The following RIC8B variants were observed in gnomAD, a reference collection of about 807,000 sequenced individuals.
RIC8B encodes the protein RIC8 guanine nucleotide exchange factor B, also known as chaperone Ric-8B.
Under a neutral mutation model 57.5 loss-of-function variants are expected in RIC8B, and 16 were observed. That is an observed-to-expected ratio of 0.28 (90% confidence interval 0.19 to 0.42). The LOEUF is 0.42. Among genes scored for constraint, RIC8B ranks in the 10% least tolerant of loss-of-function variants. RIC8B has a pLI of 1.00. For missense variants in RIC8B, 481 were observed against 677.0 expected, an observed-to-expected ratio of 0.71 and a Z score of 3.21; for synonymous variants, 216 against 250.8, an observed-to-expected ratio of 0.86 and a Z score of 1.31.
intron 4 of RIC8B, among the ~76,000 whole-genome samples, chr12:106,830,117 C>T (rs1451550180): frequency 6.6e-6 from 1 of 152,130 alleles, no homozygotes; most frequent in African/African-American, 2.4e-5. Context: ...AGTGTGAGTT[C>T]TCCAGCTTTG....
chr12:106,868,806 C>T (rs1403651136), intron 8 of RIC8B, among the ~76,000 whole-genome samples: 2 of 141,548 alleles, frequency 1.4e-5, no homozygotes, highest in Non-Finnish European at 3.0e-5. Context: ...CACACACACA[C>T]ACACACACAG....
intron 2 of RIC8B, among the ~76,000 whole-genome samples, chr12:106,806,772 C>T (rs536996396): frequency 9.2e-5 from 14 of 152,040 alleles, no homozygotes; most frequent in Non-Finnish European, 1.3e-4. Context: ...GGAGATTGCA[C>T]GCGCCAAGAT....
intron 2 of RIC8B, among the ~76,000 whole-genome samples, chr12:106,796,314 G>A (rs1018576390): frequency 1.3e-5 from 2 of 152,132 alleles, no homozygotes; most frequent in East Asian, 3.9e-4. Context: ...GAGGTGGGAG[G>A]GTCTGTTGAG....
At chr12:106,883,902 T>C (rs1333854970) in intron 9 of RIC8B, among the ~76,000 whole-genome samples, 1 of 152,224 alleles carries the variant, frequency 6.6e-6, no homozygotes, top group Non-Finnish European at 1.5e-5. Context: ...CCTTACCTCC[T>C]GCCCCTCCTT....
rs1950806466 is a variant in RIC8B at position 106,879,185 on chromosome 12, A to G, written c.1572-6719A>G. ...TGGGAAACAAGAATGCATTTTACCA[A>G]CTGCTTAATTATGTCCTGTTTTTCA... On this transcript the variant is annotated intron_variant, in intron 9 of 9. Transcript: ENST00000392837. This position sits in a 1 kb window ranked among gnomAD's most constrained non-coding sequence, Gnocchi z 4.9. 3 of 985,824 alleles carry G rather than the reference A, an allele frequency of 3.0e-6. No individual in the cohort carries two copies. The highest frequency in any genetic ancestry group is 2.4e-6 in the Non-Finnish European group (2 of 829,910). 61.1% of individuals were successfully genotyped at this position (985,824 alleles called of 1,614,324 possible). A position where few individuals can be genotyped will look rare whatever the true frequency, so the allele number is the denominator to read the frequency against.
At chr12:106,830,302 C>T (rs1164234757) in intron 4 of RIC8B, among the ~76,000 whole-genome samples, 1 of 152,182 alleles carries the variant, frequency 6.6e-6, no homozygotes, top group African/African-American at 2.4e-5. Context: ...CTTCTAATTA[C>T]ACAAGGCAGA....
At chr12:106,823,328 A>G (rs2045935402) in intron 3 of RIC8B, 2 of 407,206 alleles carry the variant, frequency 4.9e-6, no homozygotes, top group Non-Finnish European at 1.0e-5. Flanking sequence ...CAAACAATCC[A>G]GGGATTTTGG....
rs922393556 is a variant in RIC8B, at chr12:106,886,098, T to A, written c.*83T>A. ...CAGGGGAATCTTTTCTCTAAAACATTTATGCCCTTGCTTTGGCTAGAAACA... is the reference window on the plus strand; with the variant it reads ...CAGGGGAATCTTTTCTCTAAAACATATATGCCCTTGCTTTGGCTAGAAACA... On this transcript the variant is annotated 3_prime_UTR_variant, in exon 10 of 10. Coordinates refer to ENST00000392837, the MANE Select transcript of RIC8B (RefSeq NM_001330145.2). 4.3e-5 allele frequency: 42 copies of A among 965,862 alleles called. No individual in the cohort carries two copies. The highest frequency in any genetic ancestry group is 1.3e-4 in the Admixed American group (7 of 52,900). 59.8% of individuals were successfully genotyped at this position (965,862 alleles called of 1,614,324 possible). A position where few individuals can be genotyped will look rare whatever the true frequency, so the allele number is the denominator to read the frequency against.
intron 4 of RIC8B, among the ~76,000 whole-genome samples, chr12:106,826,077 T>C (rs1260090606): frequency 6.6e-6 from 1 of 152,216 alleles, no homozygotes; most frequent in Non-Finnish European, 1.5e-5. Context: ...ATGCCACAAA[T>C]AGTTACTGTT....
intron 2 of RIC8B, among the ~76,000 whole-genome samples, chr12:106,802,534 A>AT (rs34706345): frequency 0.03 from 3,048 of 102,116 alleles, 98 homozygotes; most frequent in Middle Eastern, 0.041. Flanking sequence ...CAATATGAGA[A>AT]TTTTTTTTTT....
intron 4 of RIC8B, among the ~76,000 whole-genome samples, chr12:106,829,985 A>AAT (rs1466108981): frequency 6.6e-6 from 1 of 152,248 alleles, no homozygotes; most frequent in Admixed American, 6.5e-5. Flanking sequence ...CAAACCTTTG[A>AAT]ATATATATAT....
chr12:106,831,453 C>A (rs574540054), intron 4 of RIC8B, among the ~76,000 whole-genome samples: 1 of 152,276 alleles, frequency 6.6e-6, no homozygotes, highest in Non-Finnish European at 1.5e-5. Flanking sequence ...TTCTACCAAA[C>A]CTTTGCAACT....
intron 2 of RIC8B, 86 bp from the exon 3 acceptor site, chr12:106,814,610 T>C: frequency 2.2e-6 from 3 of 1,343,214 alleles, no homozygotes; most frequent in Non-Finnish European, 3.1e-6. Context: ...TTTTTAACTG[T>C]TGTTAAGTAC....
intron 4 of RIC8B, among the ~76,000 whole-genome samples, chr12:106,834,524 C>T (rs1019293597): frequency 6.6e-6 from 1 of 152,106 alleles, no homozygotes; most frequent in Non-Finnish European, 1.5e-5. Context: ...TAACTCTTCT[C>T]TCAATTTTAA....
chr12:106,873,799 G>C (rs1758494200), intron 9 of RIC8B, among the ~76,000 whole-genome samples: 1 of 152,196 alleles, frequency 6.6e-6, no homozygotes, highest in South Asian at 2.1e-4. Flanking sequence ...CTGTCTGGAT[G>C]ATTCAGGGAC....
intron 8 of RIC8B, chr12:106,868,184 C>T: frequency 2.4e-6 from 1 of 416,632 alleles, no homozygotes; most frequent in South Asian, 1.8e-5. Flanking sequence ...CCACAATAAG[C>T]CCACAGCTTA....
intron 5 of RIC8B, among the ~76,000 whole-genome samples, chr12:106,843,639 G>A (rs915635471): frequency 1.3e-5 from 2 of 149,060 alleles, no homozygotes; most frequent in Non-Finnish European, 3.0e-5. Context: ...GGAGAATGGC[G>A]TGAACCCGGG....
intron 9 of RIC8B, among the ~76,000 whole-genome samples, chr12:106,877,706 C>G (rs1950730271): frequency 6.6e-6 from 1 of 152,134 alleles, no homozygotes; most frequent in South Asian, 2.1e-4. Context: ...TTAAAAAAGG[C>G]TTCCCTATGG....
chr12:106,869,638 A>T (rs1242057264), intron 8 of RIC8B, among the ~76,000 whole-genome samples: 1 of 152,096 alleles, frequency 6.6e-6, no homozygotes, highest in African/African-American at 2.4e-5. Flanking sequence ...ATTTAATTTG[A>T]TCATTAAAAA....
Sources: allele counts gnomAD v4.1 joint callset (sites outside exome capture counted in the v4.1 genomes callset), GRCh38; gene constraint gnomAD v4.1.1; non-coding constraint Gnocchi (gnomAD v3.1); transcripts MANE v1.5; gene names NCBI Gene and HGNC (gene_info 2026-07-23, HGNC 2026-07-21).